The following LINGO2 variants were observed in gnomAD, a reference collection of about 807,000 sequenced individuals.
The protein encoded by LINGO2 is leucine-rich repeat and immunoglobulin-like domain-containing nogo receptor-interacting protein 2.
LINGO2 carries 14 observed loss-of-function variants against 30.6 expected under a neutral mutation model. The observed-to-expected ratio is 0.46, with a 90% CI of 0.30 to 0.72. The LOEUF (loss-of-function observed/expected upper bound fraction) is 0.72, where lower values mean the gene tolerates loss of function less well. Ranked by LOEUF, LINGO2 falls within the 30% of genes least tolerant of loss-of-function variation. LINGO2 has a pLI of 0.07. For missense variants in LINGO2, 729 were observed against 751.7 expected, an observed-to-expected ratio of 0.97 and a Z score of 0.35; for synonymous variants, 317 against 288.5, an observed-to-expected ratio of 1.10 and a Z score of -1.00.
the LINGO2 span, among the ~76,000 whole-genome samples, chr9:28,991,818 G>C: frequency 1.3e-5 from 2 of 149,122 alleles, no homozygotes; most frequent in African/African-American, 2.5e-5. Context: ...CAAATGCTGA[G>C]AGATTTTGTC....
chr9:28,533,731 G>A (rs1195676772), intron 1 of LINGO2, among the ~76,000 whole-genome samples: 1 of 152,058 alleles, frequency 6.6e-6, no homozygotes, highest in Non-Finnish European at 1.5e-5. Context: ...GAATCTAGTG[G>A]GAGTTTAGTA....
chr9:29,022,127 C>T, the LINGO2 span, among the ~76,000 whole-genome samples: 2 of 152,124 alleles, frequency 1.3e-5, no homozygotes, highest in Non-Finnish European at 2.9e-5. Flanking sequence ...ACATTTTTCT[C>T]ACATGACAAT....
the LINGO2 span, among the ~76,000 whole-genome samples, chr9:28,722,639 T>C: frequency 6.6e-6 from 1 of 152,100 alleles, no homozygotes; most frequent in Non-Finnish European, 1.5e-5. Flanking sequence ...TAAAACAGAT[T>C]CTGAAACAGG....
At chr9:29,164,935 C>T in the LINGO2 span, among the ~76,000 whole-genome samples, 1 of 151,992 alleles carries the variant, frequency 6.6e-6, no homozygotes, top group Non-Finnish European at 1.5e-5. Flanking sequence ...CTATTGCAAA[C>T]CTAATTCAAT....
At chr9:28,902,551 G>A in the LINGO2 span, among the ~76,000 whole-genome samples, 6 of 152,098 alleles carry the variant, frequency 3.9e-5, no homozygotes, top group Non-Finnish European at 8.8e-5. Context: ...CAGGTGTATA[G>A]AGAGCATTCT....
At chr9:28,442,605 C>T (rs1430879339) in intron 2 of LINGO2, among the ~76,000 whole-genome samples, 2 of 151,982 alleles carry the variant, frequency 1.3e-5, no homozygotes, top group Non-Finnish European at 2.9e-5. Context: ...GGAACATATA[C>T]TTCCATTAAA....
chr9:28,995,569 A>G, the LINGO2 span, among the ~76,000 whole-genome samples: 1 of 152,048 alleles, frequency 6.6e-6, no homozygotes, highest in Non-Finnish European at 1.5e-5. Context: ...ACACATGCGC[A>G]CGTATGTTTA....
chr9:29,087,376 G>C, the LINGO2 span, among the ~76,000 whole-genome samples: 1 of 152,180 alleles, frequency 6.6e-6, no homozygotes. Context: ...TAAGCCGCTA[G>C]TAAATGGAAG....
At chr9:28,541,961 G>T (rs979465933) in intron 1 of LINGO2, among the ~76,000 whole-genome samples, 4 of 152,090 alleles carry the variant, frequency 2.6e-5, no homozygotes, top group African/African-American at 4.8e-5. Flanking sequence ...TCCATAATAT[G>T]ACTGCAGACT....
At chr9:29,046,626 A>C in the LINGO2 span, among the ~76,000 whole-genome samples, 38 of 152,282 alleles carry the variant, frequency 2.5e-4, no homozygotes, top group African/African-American at 8.7e-4. Flanking sequence ...TGTAAAACCC[A>C]AAACTATAAA....
intron 1 of LINGO2, among the ~76,000 whole-genome samples, chr9:28,572,717 G>A (rs1358623640): frequency 6.6e-6 from 1 of 152,134 alleles, no homozygotes; most frequent in Non-Finnish European, 1.5e-5. Flanking sequence ...GGGTCTGACA[G>A]TGACTTTAGT....
the LINGO2 span, among the ~76,000 whole-genome samples, chr9:28,764,879 T>TA: frequency 6.6e-6 from 1 of 151,670 alleles, no homozygotes; most frequent in Admixed American, 6.6e-5. Context: ...AAAAGGAAGC[T>TA]AAAAAAACTA....
chr9:29,127,584 A>G, the LINGO2 span, among the ~76,000 whole-genome samples: 1 of 152,012 alleles, frequency 6.6e-6, no homozygotes. Context: ...CCTGACCATC[A>G]TCATCAGGTT....
intron 3 of LINGO2, among the ~76,000 whole-genome samples, chr9:28,338,175 T>C (rs1190781406): frequency 2.6e-5 from 4 of 152,222 alleles, no homozygotes; most frequent in African/African-American, 4.8e-5. Flanking sequence ...CATTGTGTCC[T>C]GGATGTGAGA....
At chr9:28,760,900 A>G in the LINGO2 span, among the ~76,000 whole-genome samples, 1 of 148,620 alleles carries the variant, frequency 6.7e-6, no homozygotes, top group African/African-American at 2.5e-5. Flanking sequence ...ATGTGTATAT[A>G]TATGTATATA....
intron 1 of LINGO2, among the ~76,000 whole-genome samples, chr9:28,658,191 A>G: frequency 6.6e-6 from 1 of 152,068 alleles, no homozygotes; most frequent in East Asian, 1.9e-4. Context: ...AGAAAATTCC[A>G]TATGCACTTG....
At chr9:28,315,001 C>A (rs1424175189) in intron 3 of LINGO2, among the ~76,000 whole-genome samples, 1 of 112,884 alleles carries the variant, frequency 8.9e-6, no homozygotes, top group Non-Finnish European at 1.8e-5. Flanking sequence ...CAGAGCAAGA[C>A]TACGTCTCAA....
chr9:28,127,807 A>T (rs1827280668), intron 4 of LINGO2, among the ~76,000 whole-genome samples: 1 of 152,142 alleles, frequency 6.6e-6, no homozygotes, highest in East Asian at 1.9e-4. Flanking sequence ...TTTTGCTACG[A>T]TTTTTCTGAT....
In LINGO2 at chr9:28,528,998, T is replaced by C. The variant is rs189244034; in HGVS notation, c.-364-52973A>G. Among the ~76,000 whole-genome samples, 22 of 152,276 alleles carry C rather than the reference T, an allele frequency of 1.4e-4. No homozygotes were observed. In the East Asian group the frequency reaches 2.5e-3, roughly 17 times the overall value. On this transcript the variant is annotated intron_variant, in intron 1 of 5. Coordinates refer to ENST00000379992, the Ensembl canonical transcript of LINGO2. The stretch of plus-strand genomic sequence containing the variant: ...TATTAGCAGGAATAGTTCCCTGGTA[T>C]TCTTCCTAGACTTAACCTGAGTATT...
Sources: allele counts gnomAD v4.1 joint callset (sites outside exome capture counted in the v4.1 genomes callset), GRCh38; gene constraint gnomAD v4.1.1; transcripts MANE v1.5; gene names NCBI Gene and HGNC (gene_info 2026-07-23, HGNC 2026-07-21).